Variants in CGN observed in about 807,000 individuals in gnomAD.
CGN encodes cingulin.
A neutral mutation model predicts 157.1 loss-of-function variants in CGN; 121 were observed. That is an observed-to-expected ratio of 0.77 (90% confidence interval 0.66 to 0.90). The LOEUF (loss-of-function observed/expected upper bound fraction) is 0.90, where lower values mean the gene tolerates loss of function less well. CGN is among the 40% of genes least tolerant of loss of function. CGN has a pLI of 0.00. For synonymous variants in CGN, 535 were observed against 607.5 expected (o/e 0.88, Z 1.76); for missense variants, 1,424 against 1,520.9 (o/e 0.94, Z 1.06).
chr1:151,526,483 C>CT (rs959761124), intron 9 of CGN, among the ~76,000 whole-genome samples: 4 of 146,578 alleles, frequency 2.7e-5, no homozygotes, highest in Non-Finnish European at 6.1e-5. Context: ...TCCCTTTCTT[C>CT]TTTTTTTTGA....
rs773787926 is a variant in CGN at position 151,519,004 on chromosome 1, A to G, written c.485A>G (p.Lys162Arg). The change falls in exon 2 of 21, where the codon AAA (lysine) becomes AGA (arginine). Residue 162 changes from lysine (K) to arginine (R), a missense_variant. Physicochemically the swap from Lys to Arg is conservative, Grantham distance 26. Transcript: ENST00000271636. The part of the protein sequence containing the change: ...RSNSMLELAP[K>R]VASPGSTIDT... The stretch of plus-strand genomic sequence containing the variant: ...AACAGCATGCTGGAGCTAGCCCCGA[A>G]AGTGGCTTCCCCAGGTAGCACCATT... The G allele has an allele frequency of 6.2e-7, 1 of 1,614,174 alleles. No homozygotes were observed. The highest frequency in any genetic ancestry group is 1.1e-5 in the South Asian group (1 of 91,084).
intron 13 of CGN, 50 bp from the exon 14 acceptor site, chr1:151,532,352 G>C (rs749375889): frequency 1.0e-5 from 14 of 1,370,088 alleles, no homozygotes; most frequent in Non-Finnish European, 1.3e-5. Context: ...TCTGGGCCTG[G>C]AGAGGGTCAT....
At chr1:151,536,970 G>A (rs1469408998) in intron 20 of CGN, 77 bp downstream of exon 20, 3 of 1,485,756 alleles carry the variant, frequency 2.0e-6, no homozygotes, top group Non-Finnish European at 2.7e-6. Flanking sequence ...TGCTGGATAA[G>A]GAGGAGAATC....
Position 151,519,101 on chromosome 1 carries a change from G to A in CGN, c.582G>A (p.Arg194=), listed in dbSNP as rs367655363. 3 of 1,613,976 alleles carry A rather than the reference G, an allele frequency of 1.9e-6. No homozygotes were observed. The highest frequency in any genetic ancestry group is 2.7e-5 in the African/African-American group (2 of 74,936). Residue 194 remains arginine (R), a synonymous_variant, in exon 2 of 21, where the codon CGG becomes CGA. Coordinates refer to ENST00000271636, the MANE Select transcript of CGN (RefSeq NM_020770.3). ...ACAGTCAACTTGGAGGCCAGGCCCGGGGTCGGACTGGCCGCCGAACACGGA... is the reference window on the plus strand; with the variant it reads ...ACAGTCAACTTGGAGGCCAGGCCCGAGGTCGGACTGGCCGCCGAACACGGA... The part of the protein sequence containing the change: ...KFDSQLGGQA[R]GRTGRRTRML...
intron 19 of CGN, 75 bp from the exon 20 acceptor site, chr1:151,536,655 A>G: frequency 1.3e-6 from 2 of 1,486,472 alleles, no homozygotes; most frequent in Non-Finnish European, 1.9e-6. Flanking sequence ...TACCTTGTCA[A>G]GATTGTTATG....
intron 5 of CGN, among the ~76,000 whole-genome samples, chr1:151,523,065 T>TC (rs1472598295): frequency 6.6e-6 from 1 of 152,214 alleles, no homozygotes; most frequent in Non-Finnish European, 1.5e-5. Flanking sequence ...GCTATTTTTT[T>TC]CCCAGAGTGA....
chr1:151,519,327 C>T lies in CGN; in HGVS notation c.808C>T (p.Gln270Ter). The stretch of plus-strand genomic sequence containing the variant: ...TGGCTTTAGCCGTTCTCGTCAGACT[C>T]AGGACTGGGTCCTTCAGAGTTTTGA... ...LSGFSRSRQT[Q>*]DWVLQSFEEP... The change falls in exon 2 of 21, where the codon CAG becomes TAG. Residue 270 changes from glutamine (Q) to a stop codon, truncating the protein, a stop_gained. Coordinates refer to ENST00000271636, the MANE Select transcript of CGN (RefSeq NM_020770.3). LOFTEE classifies it high-confidence loss of function. 6.2e-7 allele frequency: 1 copy of T among 1,610,988 alleles called. No homozygotes were observed. The highest frequency in any genetic ancestry group is 1.1e-5 in the South Asian group (1 of 91,082).
rs1160710095 is a variant in CGN at position 151,535,596 on chromosome 1, C to T, written c.2995-4C>T. 1 of 1,613,014 alleles carries T rather than the reference C, an allele frequency of 6.2e-7. No individual in the cohort carries two copies. Among genetic ancestry groups the T allele is most frequent in the South Asian group, 1.1e-5 (1 of 91,046 alleles). ...AGTCTGGTCCTCTCACCCATCCCCA[C>T]TAGGTGGATCAGCTGAGGACAGAGC... On this transcript the variant is annotated splice_region_variant and splice_polypyrimidine_tract_variant and intron_variant, in intron 16 of 20. Coordinates refer to ENST00000271636, the MANE Select transcript of CGN (RefSeq NM_020770.3).
chr1:151,534,835 A>G, intron 15 of CGN: 4 of 539,222 alleles, frequency 7.4e-6, no homozygotes, highest in African/African-American at 1.9e-5. Context: ...TCACCAGAGC[A>G]TGGCCCCGAC....
At chr1:151,520,756 TG>T in intron 5 of CGN, 65 bp downstream of exon 5, 1 of 1,294,298 alleles carries the variant, frequency 7.7e-7, no homozygotes, top group Non-Finnish European at 1.1e-6. Flanking sequence ...GGCCTGGAGA[TG>T]GGCTGAGCTG....
In CGN at chr1:151,516,646, G is replaced by A. The variant is rs144459625; in HGVS notation, c.-14-1860G>A. Reference sequence around the variant, plus strand: ...TAACCTCCGTCTCCCAGGTTCAAGCGATTCTCCTGCCTCAGCCTCCCGAGC... The same window carrying A: ...TAACCTCCGTCTCCCAGGTTCAAGCAATTCTCCTGCCTCAGCCTCCCGAGC... On this transcript the variant is annotated intron_variant, in intron 1 of 20. Coordinates refer to ENST00000271636, the MANE Select transcript of CGN (RefSeq NM_020770.3). Among the ~76,000 whole-genome samples, 1,212 of 151,072 alleles carry A rather than the reference G, an allele frequency of 8.0e-3. 21 individuals are homozygous for A. The highest frequency in any genetic ancestry group is 0.025 in the African/African-American group (1,035 of 41,130).
upstream of CGN, among the ~76,000 whole-genome samples, chr1:151,510,777 A>T (rs1005407811): frequency 2.6e-5 from 4 of 152,174 alleles, no homozygotes; most frequent in East Asian, 7.7e-4. Context: ...AATGATTTTT[A>T]AAATTATGTT....
rs1483824874 is a variant in CGN at position 151,530,694 on chromosome 1, T to C, written c.2519T>C (p.Leu840Pro). 4 of 1,557,652 alleles carry C rather than the reference T, an allele frequency of 2.6e-6. No individual in the cohort carries two copies. Among genetic ancestry groups the C allele is most frequent in the Non-Finnish European group, 3.5e-6 (4 of 1,150,100 alleles). ...GTGCTCCGGCGAGGCAAGGCTGAGCTGGAGGAGCAGAAGCGTTTGCTGGAC... is the reference window on the plus strand; with the variant it reads ...GTGCTCCGGCGAGGCAAGGCTGAGCCGGAGGAGCAGAAGCGTTTGCTGGAC... ...REVLRRGKAE[L>P]EEQKRLLDRT... The change falls in exon 13 of 21, where the codon CTG becomes CCG. Residue 840 changes from leucine to proline, a missense_variant. By Grantham distance (98) the Leu-to-Pro change is moderately conservative. This residue lies in a region of CGN where 1,187 missense variants were observed against 1,217.6 expected (regional missense o/e 0.97). Coordinates refer to ENST00000271636, the MANE Select transcript of CGN (RefSeq NM_020770.3).
chr1:151,532,777 G>T (rs1432778708), intron 14 of CGN, among the ~76,000 whole-genome samples: 2 of 151,952 alleles, frequency 1.3e-5, no homozygotes, highest in African/African-American at 4.8e-5. Context: ...CTGCCACCAC[G>T]CCTGGCTAAT....
intron 9 of CGN, among the ~76,000 whole-genome samples, chr1:151,526,632 C>T (rs1301555305): frequency 6.6e-6 from 1 of 151,888 alleles, no homozygotes; most frequent in East Asian, 1.9e-4. Flanking sequence ...CACCACCACA[C>T]TTGGCTAATT....
At chr1:151,528,343 C>T (rs1571665354) in intron 10 of CGN, among the ~76,000 whole-genome samples, 1 of 151,914 alleles carries the variant, frequency 6.6e-6, no homozygotes, top group East Asian at 1.9e-4. Context: ...CATGTACTCT[C>T]CCTTCATGGT....
intron 4 of CGN, 37 bp downstream of exon 4, chr1:151,520,520 G>A (rs1035602277): frequency 1.4e-5 from 23 of 1,612,506 alleles, no homozygotes; most frequent in Non-Finnish European, 2.0e-5. Context: ...AAGGGTCAAG[G>A]TTAGAGCTTT....
upstream of CGN, chr1:151,510,900 G>GA (rs2102482499): frequency 6.6e-6 from 1 of 152,362 alleles, no homozygotes; most frequent in South Asian, 2.1e-4. Flanking sequence ...TCGGGTCAGG[G>GA]AAAAGGGAGA....
chr1:151,528,231 C>T (rs1664742618), intron 10 of CGN, among the ~76,000 whole-genome samples: 1 of 151,986 alleles, frequency 6.6e-6, no homozygotes, highest in Admixed American at 6.6e-5. Flanking sequence ...TTGTGATCCG[C>T]CCTCCTTGGC....
Sources: gnomAD v4.1 joint callset for allele counts (sites outside exome capture counted in the v4.1 genomes callset) on GRCh38, gnomAD v4.1.1 for gene constraint, gnomAD v4.1.1 regional missense constraint, MANE v1.5 for transcripts, NCBI Gene and HGNC (gene_info 2026-07-23, HGNC 2026-07-21) for gene names.